RAB3GAP2: variants seen among roughly 807,000 people sequenced by gnomAD.
RAB3GAP2 encodes RAB3 GTPase activating non-catalytic protein subunit 2, also known as rab3 GTPase-activating protein non-catalytic subunit.
In RAB3GAP2, 87 loss-of-function variants were observed where a neutral mutation model predicts 185.3. The observed-to-expected ratio is 0.47, with a 90% CI of 0.39 to 0.56. The LOEUF is 0.56. Among genes scored for constraint, RAB3GAP2 ranks in the 20% least tolerant of loss-of-function variants. The pLI is 0.00. For synonymous variants in RAB3GAP2, 554 were observed against 576.1 expected, an observed-to-expected ratio of 0.96 and a Z score of 0.55; for missense variants, 1,492 against 1,638.2, an observed-to-expected ratio of 0.91 and a Z score of 1.54.
chr1:220,200,799 A>G (rs746054332), intron 9 of RAB3GAP2: 2 of 370,652 alleles, frequency 5.4e-6, no homozygotes, highest in Non-Finnish European at 1.1e-5. Context: ...TGTGTGTCAG[A>G]TATCCTTAGC....
intron 1 of RAB3GAP2, among the ~76,000 whole-genome samples, chr1:220,241,028 A>C (rs1425471652): frequency 6.6e-6 from 1 of 152,104 alleles, no homozygotes; most frequent in Non-Finnish European, 1.5e-5. Flanking sequence ...CCATACAGAA[A>C]ACATATTTTA....
At position 220,170,912 on chromosome 1, in the gene RAB3GAP2, T is replaced by C. The variant is rs779475556; in HGVS notation, c.2786A>G (p.Lys929Arg). Reference protein sequence around the residue: ...AEPLPRLSVKKLLEGGKGGIA... With the variant: ...AEPLPRLSVKRLLEGGKGGIA... ...CTTACCTTTTCCTCCTTCTAATAAC[T>C]TTTTAACAGAAAGCCTTGGAAGTGG... The change falls in exon 24 of 35, where the codon AAG becomes AGG. Residue 929 changes from lysine to arginine, a missense_variant. This residue lies in a region of RAB3GAP2 where 681 missense variants were observed against 689.1 expected (regional missense o/e 0.99). Transcript: ENST00000358951. 2 of 1,613,966 alleles carry C rather than the reference T, an allele frequency of 1.2e-6. No homozygotes were observed. The highest frequency in any genetic ancestry group is 1.1e-5 in the South Asian group (1 of 91,086).
At chr1:220,211,747 C>T (rs540797038) in intron 4 of RAB3GAP2, among the ~76,000 whole-genome samples, 7 of 152,154 alleles carry the variant, frequency 4.6e-5, no homozygotes, top group Admixed American at 4.6e-4. Flanking sequence ...CACTTCCATG[C>T]CATACATCAT....
At chr1:220,266,647 G>A (rs1202206757) in intron 1 of RAB3GAP2, 1 of 1,408,676 alleles carries the variant, frequency 7.1e-7, no homozygotes, top group Non-Finnish European at 1.0e-6. Context: ...TTGGTAGCAT[G>A]TTCCTGAGAG....
chr1:220,254,337 G>A, intron 1 of RAB3GAP2: 2 of 1,613,508 alleles, frequency 1.2e-6, no homozygotes, highest in Admixed American at 1.7e-5. Flanking sequence ...CCATGTCCCA[G>A]GTGTATGGAG....
At chr1:220,209,188 A>C (rs887821799) in intron 7 of RAB3GAP2, among the ~76,000 whole-genome samples, 1 of 152,138 alleles carries the variant, frequency 6.6e-6, no homozygotes, top group Non-Finnish European at 1.5e-5. Context: ...TGATTATTTC[A>C]CTTCCTTCTC....
At chr1:220,211,226 G>T (rs2102880574) in intron 4 of RAB3GAP2, 3 of 670,498 alleles carry the variant, frequency 4.5e-6, no homozygotes, top group Middle Eastern at 4.8e-4. Flanking sequence ...ATAAAAAACA[G>T]AATTTTTCAC....
At position 220,213,959 on chromosome 1, in the gene RAB3GAP2, G is replaced by C. The variant is rs756367014; in HGVS notation, c.201C>G (p.Cys67Trp). ...GGAGCCAGGAAGTTTTTTGTGTTTT[G>C]CAAGTATTTCCTTCTTCTTCCTGTG... ...PQEPEEEGNT[C>W]KTQKTSWLQD... Residue 67 changes from cysteine to tryptophan, a missense_variant, in exon 3 of 35, where the codon TGC (cysteine) becomes TGG (tryptophan). Cys to Trp is a radical substitution (Grantham distance 215, BLOSUM62 -2). Coordinates refer to ENST00000358951, the MANE Select transcript of RAB3GAP2 (RefSeq NM_012414.4). 6 of 1,613,042 alleles carry C rather than the reference G, an allele frequency of 3.7e-6. No homozygotes were observed. The South Asian group carries it at 6.6e-5, about 18-fold the overall frequency.
chr1:220,249,367 T>C (rs1002245913), intron 1 of RAB3GAP2, among the ~76,000 whole-genome samples: 9 of 152,036 alleles, frequency 5.9e-5, no homozygotes, highest in Non-Finnish European at 1.3e-4. Context: ...AAAAGGTCAC[T>C]CTTGTTATAC....
At chr1:220,214,890 T>C (rs1397439347) in intron 2 of RAB3GAP2, among the ~76,000 whole-genome samples, 1 of 147,330 alleles carries the variant, frequency 6.8e-6, no homozygotes, top group Non-Finnish European at 1.5e-5. Context: ...TTTCCAGAGA[T>C]ACTTTATGCA....
intron 1 of RAB3GAP2, among the ~76,000 whole-genome samples, chr1:220,263,087 G>T (rs905716801): frequency 6.6e-6 from 1 of 151,078 alleles, no homozygotes; most frequent in South Asian, 2.1e-4. Context: ...TTGGTCATCT[G>T]TATATCATCC....
chr1:220,152,471 A>T (rs543684406), intron 33 of RAB3GAP2, among the ~76,000 whole-genome samples: 1 of 152,174 alleles, frequency 6.6e-6, no homozygotes. Flanking sequence ...CTCATGCCAT[A>T]CTTCTTTATT....
chr1:220,162,638 C>T (rs1657983648), intron 27 of RAB3GAP2, among the ~76,000 whole-genome samples: 1 of 152,134 alleles, frequency 6.6e-6, no homozygotes, highest in African/African-American at 2.4e-5. Flanking sequence ...AAATGGAACA[C>T]TCATGCATTA....
intron 1 of RAB3GAP2, among the ~76,000 whole-genome samples, chr1:220,239,233 T>G (rs1046793024): frequency 6.6e-6 from 1 of 152,160 alleles, no homozygotes; most frequent in African/African-American, 2.4e-5. Context: ...ACTTTTTTTT[T>G]GTGGGGCTCA....
chr1:220,157,787 A>G lies in RAB3GAP2; in HGVS notation c.3336+15T>C, dbSNP rs373879791. 17 of 1,593,560 alleles carry G rather than the reference A, an allele frequency of 1.1e-5. No individual in the cohort carries two copies. The Admixed American group carries it at 2.7e-4, about 25-fold the overall frequency. On this transcript the variant is annotated intron_variant, in intron 30 of 34. Coordinates refer to ENST00000358951, the MANE Select transcript of RAB3GAP2 (RefSeq NM_012414.4). Reference sequence around the variant, plus strand: ...TCTTAGGAGCAGTTCAGAATGAAAAATACACCTCTTTTACCTCCATTAAGA... The same window carrying G: ...TCTTAGGAGCAGTTCAGAATGAAAAGTACACCTCTTTTACCTCCATTAAGA...
chr1:220,190,231 T>C (rs1658589723), intron 15 of RAB3GAP2, 85 bp from the exon 16 acceptor site: 3 of 1,505,260 alleles, frequency 2.0e-6, no homozygotes, highest in East Asian at 2.3e-5. Context: ...TTTTTTCCTT[T>C]ATATATTTCC....
Position 220,170,960 on chromosome 1 carries a change from T to A in RAB3GAP2, c.2738A>T (p.Lys913Ile). 1 of 1,614,190 alleles carries A rather than the reference T, an allele frequency of 6.2e-7. No individual in the cohort carries two copies. The highest frequency in any genetic ancestry group is 8.5e-7 in the Non-Finnish European group (1 of 1,179,998). ...TGGCTCAGCCTGCAGTGATGACACT[T>A]TGGAGGTCTGAGTGTTCCCTTTGCT... ...LHSKGNTQTS[K>I]VSSLQAEPLP... is the part of the protein sequence containing the mutation. The change falls in exon 24 of 35, where the codon AAA (lysine) becomes ATA (isoleucine). Residue 913 changes from lysine to isoleucine, a missense_variant. By Grantham distance (102) the Lys-to-Ile change is moderately radical. This residue lies in a region of RAB3GAP2 where 681 missense variants were observed against 689.1 expected (regional missense o/e 0.99). Coordinates refer to ENST00000358951, the MANE Select transcript of RAB3GAP2 (RefSeq NM_012414.4).
At chr1:220,185,897 G>A (rs538778861) in intron 17 of RAB3GAP2, among the ~76,000 whole-genome samples, 156 bp from the exon 18 acceptor site, 12 of 152,164 alleles carry the variant, frequency 7.9e-5, no homozygotes, top group Admixed American at 1.3e-4. Context: ...CTCAAGTTGC[G>A]TTGTTAAGTA....
At chr1:220,240,883 A>C (rs946969472) in intron 1 of RAB3GAP2, among the ~76,000 whole-genome samples, 1 of 152,118 alleles carries the variant, frequency 6.6e-6, no homozygotes, top group Non-Finnish European at 1.5e-5. Context: ...TGACTGAATA[A>C]ATAAAACCAA....
Sources: gnomAD v4.1 joint callset for allele counts (sites outside exome capture counted in the v4.1 genomes callset) on GRCh38, gnomAD v4.1.1 for gene constraint, gnomAD v4.1.1 regional missense constraint, MANE v1.5 for transcripts, NCBI Gene and HGNC (gene_info 2026-07-23, HGNC 2026-07-21) for gene names.